The following DLG2 variants were observed in gnomAD, a reference collection of about 807,000 sequenced individuals.
DLG2 encodes the protein discs large MAGUK scaffold protein 2, also known as disks large homolog 2.
Under a neutral mutation model 132.5 loss-of-function variants are expected in DLG2, and 45 were observed. The observed-to-expected ratio is 0.34, with a 90% CI of 0.27 to 0.44. The LOEUF (loss-of-function observed/expected upper bound fraction) is 0.44. DLG2 is among the 20% of genes least tolerant of loss of function. The probability of loss-of-function intolerance (pLI) is 1.00; values close to 1 mark genes in which losing one functional copy is unlikely to be tolerated. For synonymous variants in DLG2, 424 were observed against 419.6 expected (o/e 1.01, Z -0.13); for missense variants, 1,045 against 1,196.9 (o/e 0.87, Z 1.87).
chr11:84,516,921 A>G (rs1479436247), intron 7 of DLG2, among the ~76,000 whole-genome samples: 2 of 150,552 alleles, frequency 1.3e-5, no homozygotes, highest in Admixed American at 6.6e-5. Flanking sequence ...ATCATGACTT[A>G]AAACTATGAA....
intron 3 of DLG2, among the ~76,000 whole-genome samples, chr11:85,432,192 T>G (rs188306436): frequency 2.0e-5 from 3 of 152,252 alleles, no homozygotes; most frequent in Non-Finnish European, 2.9e-5. Context: ...AAAGATCGAA[T>G]CTAGACAAGT....
chr11:83,517,769 A>C (rs1286940385), intron 21 of DLG2, among the ~76,000 whole-genome samples: 1 of 152,026 alleles, frequency 6.6e-6, no homozygotes, highest in African/African-American at 2.4e-5. Context: ...GGTCTGTTGG[A>C]GTTTGCCGGA....
intron 11 of DLG2, among the ~76,000 whole-genome samples, chr11:84,029,765 T>C (rs2095641687): frequency 6.6e-6 from 1 of 152,116 alleles, no homozygotes; most frequent in Non-Finnish European, 1.5e-5. Flanking sequence ...GTTCTGACCA[T>C]GCTCTTTTCT....
chr11:83,581,827 A>G (rs1213783227), intron 19 of DLG2, among the ~76,000 whole-genome samples: 1 of 152,146 alleles, frequency 6.6e-6, no homozygotes, highest in African/African-American at 2.4e-5. Context: ...ATGGAACCAC[A>G]TAAAAATCCT....
intron 6 of DLG2, among the ~76,000 whole-genome samples, chr11:84,941,343 A>G (rs138642510): frequency 3.2e-3 from 485 of 152,300 alleles, no homozygotes; most frequent in Middle Eastern, 0.02. Flanking sequence ...ATAGATTAAC[A>G]ATATTGATTC....
intron 7 of DLG2, among the ~76,000 whole-genome samples, chr11:84,286,651 T>C (rs2097913005): frequency 6.6e-6 from 1 of 152,194 alleles, no homozygotes; most frequent in Non-Finnish European, 1.5e-5. Flanking sequence ...TAGCAAGATC[T>C]ATATGGCACA....
chr11:84,641,830 C>A (rs181828437), intron 6 of DLG2, among the ~76,000 whole-genome samples: 1 of 151,710 alleles, frequency 6.6e-6, no homozygotes, highest in Non-Finnish European at 1.5e-5. Context: ...AAATTCTATA[C>A]GAGTTTGTTG....
intron 6 of DLG2, among the ~76,000 whole-genome samples, chr11:84,983,405 T>C (rs1016495626): frequency 1.3e-5 from 2 of 152,042 alleles, no homozygotes; most frequent in Non-Finnish European, 2.9e-5. Flanking sequence ...TCACTACAGT[T>C]CGGCTCTCAG....
At chr11:85,349,200 T>A (rs911458523) in intron 3 of DLG2, among the ~76,000 whole-genome samples, 1 of 151,562 alleles carries the variant, frequency 6.6e-6, no homozygotes, top group Non-Finnish European at 1.5e-5. Flanking sequence ...AATACAAGCA[T>A]GACAGACAGC....
At chr11:85,356,071 T>C (rs184284486) in intron 3 of DLG2, among the ~76,000 whole-genome samples, 8 of 152,322 alleles carry the variant, frequency 5.3e-5, no homozygotes, top group African/African-American at 1.9e-4. Context: ...CTGCCTGAAC[T>C]ATCCATTTAA....
At chr11:83,958,417 G>A (rs2087507994) in intron 14 of DLG2, among the ~76,000 whole-genome samples, 1 of 151,954 alleles carries the variant, frequency 6.6e-6, no homozygotes, top group Admixed American at 6.6e-5. Flanking sequence ...ATGATGTGAG[G>A]GACCAATAAG....
At chr11:83,621,367 C>T (rs975127317) in intron 19 of DLG2, among the ~76,000 whole-genome samples, 2 of 151,952 alleles carry the variant, frequency 1.3e-5, no homozygotes, top group African/African-American at 2.4e-5. Context: ...AGCATCCAAC[C>T]GGTCTCACTG....
At chr11:85,289,198 T>C (rs1819137108) in intron 3 of DLG2, among the ~76,000 whole-genome samples, 1 of 152,124 alleles carries the variant, frequency 6.6e-6, no homozygotes, top group Non-Finnish European at 1.5e-5. Context: ...AATTTCACTT[T>C]TGGTTAACAA....
chr11:84,259,840 T>G (rs919190544), intron 7 of DLG2, among the ~76,000 whole-genome samples: 1 of 152,152 alleles, frequency 6.6e-6, no homozygotes, highest in Admixed American at 6.5e-5. Context: ...CAGCTGGTAA[T>G]AGCAGGACCA....
intron 6 of DLG2, among the ~76,000 whole-genome samples, chr11:84,969,065 C>T (rs1227362782): frequency 1.4e-5 from 2 of 147,142 alleles, no homozygotes; most frequent in African/African-American, 5.0e-5. Context: ...AAACTTTATT[C>T]TTCACTTGCA....
chr11:85,496,824 C>A (rs1256248379), intron 3 of DLG2, among the ~76,000 whole-genome samples: 1 of 152,186 alleles, frequency 6.6e-6, no homozygotes, highest in Non-Finnish European at 1.5e-5. Flanking sequence ...AACAGACCTG[C>A]AGCTGAGAGG....
chr11:84,632,607 C>T (rs2099633944), intron 6 of DLG2, among the ~76,000 whole-genome samples: 2 of 152,140 alleles, frequency 1.3e-5, no homozygotes, highest in Admixed American at 6.6e-5. Context: ...TGAAGAGTTC[C>T]AACTTCCACT....
At chr11:84,877,877 AC>A (rs1392276430) in intron 6 of DLG2, among the ~76,000 whole-genome samples, 1 of 152,232 alleles carries the variant, frequency 6.6e-6, no homozygotes, top group African/African-American at 2.4e-5. Context: ...CAAGAAAAAA[AC>A]AACCCCATCA....
chr11:84,052,477 A>G (rs1214059540), intron 11 of DLG2, among the ~76,000 whole-genome samples: 1 of 151,966 alleles, frequency 6.6e-6, no homozygotes, highest in Non-Finnish European at 1.5e-5. Context: ...TCCAGAATCT[A>G]CAAAGAACTT....
Sources: allele counts gnomAD v4.1 joint callset (sites outside exome capture counted in the v4.1 genomes callset), GRCh38; gene constraint gnomAD v4.1.1; transcripts MANE v1.5; gene names NCBI Gene and HGNC (gene_info 2026-07-23, HGNC 2026-07-21).